The following ADRA1A variants were observed in gnomAD, a reference collection of about 807,000 sequenced individuals.
The protein encoded by ADRA1A is alpha-1A adrenergic receptor.
ADRA1A carries 31 observed loss-of-function variants against 29.6 expected under a neutral mutation model. That is an observed-to-expected ratio of 1.05 (90% CI 0.79 to 1.41). ADRA1A has a LOEUF of 1.41. Among genes scored for constraint, ADRA1A ranks in the 40% most tolerant of loss-of-function variants. ADRA1A has a pLI of 0.00. For synonymous variants in ADRA1A, 311 were observed against 254.3 expected, an observed-to-expected ratio of 1.22 and a Z score of -2.12; for missense variants, 619 against 601.1, an observed-to-expected ratio of 1.03 and a Z score of -0.31.
In ADRA1A at chr8:26,788,957, A is replaced by G. The variant is rs145034029; in HGVS notation, c.884-18291T>C. ...ATATATATTTTTAAAATTTTACTTT[A>G]AGTTCTGGGATACATGTGCGGAACG... On this transcript the variant is annotated intron_variant, in intron 2 of 2. Coordinates refer to ENST00000380573, the MANE Select transcript of ADRA1A (RefSeq NM_000680.4). 8.6e-4 allele frequency among the ~76,000 whole-genome samples: 131 copies of G among 152,274 alleles called. No homozygotes were observed. The East Asian group carries it at 0.025, about 29-fold the overall frequency.
chr8:26,824,231 C>G (rs895118904), intron 2 of ADRA1A, among the ~76,000 whole-genome samples: 21 of 151,766 alleles, frequency 1.4e-4, no homozygotes, highest in Non-Finnish European at 4.4e-5. Context: ...GAATCACGAA[C>G]AGTTTAAGCA....
intron 2 of ADRA1A, among the ~76,000 whole-genome samples, chr8:26,852,293 A>G (rs1392858895): frequency 6.6e-6 from 1 of 152,212 alleles, no homozygotes; most frequent in East Asian, 1.9e-4. Flanking sequence ...ATCTTAGACA[A>G]GAAAGAATTA....
At chr8:26,857,889 G>T (rs113372291) in intron 2 of ADRA1A, among the ~76,000 whole-genome samples, 8 of 152,208 alleles carry the variant, frequency 5.3e-5, no homozygotes, top group African/African-American at 1.9e-4. Flanking sequence ...ATATACCTTT[G>T]CTAGGTATCT....
chr8:26,770,942 G>A (rs558916611), intron 2 of ADRA1A, among the ~76,000 whole-genome samples: 46 of 152,282 alleles, frequency 3.0e-4, no homozygotes, highest in Non-Finnish European at 1.0e-4. Context: ...AACAGCTGCT[G>A]TGAAGTTTTA....
intron 2 of ADRA1A, among the ~76,000 whole-genome samples, chr8:26,758,340 T>A (rs1211536725): frequency 6.6e-6 from 1 of 152,194 alleles, no homozygotes; most frequent in African/African-American, 2.4e-5. Flanking sequence ...AAGGACTTAT[T>A]TTCTCTCTTC....
chr8:26,855,989 CACTTGTCTATAGCCTG>C (rs565379630), intron 2 of ADRA1A, among the ~76,000 whole-genome samples: 170 of 152,306 alleles, frequency 1.1e-3, no homozygotes, highest in African/African-American at 4.1e-3. Context: ...AGTAATAACT[CACTTGTCTATAGCCTG>C]ACTTGAAAGA....
intron 2 of ADRA1A, among the ~76,000 whole-genome samples, chr8:26,835,065 T>C (rs573211914): frequency 2.0e-5 from 3 of 152,326 alleles, no homozygotes; most frequent in South Asian, 4.1e-4. Flanking sequence ...CTACATTTCA[T>C]AGAAATCAAG....
downstream of ADRA1A, among the ~76,000 whole-genome samples, chr8:26,752,910 T>C (rs1442341): frequency 0.88 from 134,406 of 152,278 alleles, 59,573 homozygotes; most frequent in East Asian, 0.94. Context: ...TCTAATGATG[T>C]ACAGTAGTCA....
intron 2 of ADRA1A, among the ~76,000 whole-genome samples, chr8:26,839,483 C>G (rs995333088): frequency 6.6e-6 from 1 of 152,052 alleles, no homozygotes; most frequent in Non-Finnish European, 1.5e-5. Context: ...ACTTCCTAAA[C>G]TTCAAACTGG....
chr8:26,863,966 G>C, intron 2 of ADRA1A, 121 bp downstream of exon 2: 3 of 1,029,842 alleles, frequency 2.9e-6, no homozygotes, highest in Non-Finnish European at 2.8e-6. Context: ...AATTGCCCTA[G>C]AGCTGTGCTG....
chr8:26,762,483 C>A (rs993619873), downstream of ADRA1A, among the ~76,000 whole-genome samples: 9 of 152,116 alleles, frequency 5.9e-5, no homozygotes, highest in African/African-American at 2.2e-4. This position sits in a 1 kb window ranked among gnomAD's most constrained non-coding sequence, Gnocchi z 4.0. Flanking sequence ...CAGAGCTATG[C>A]ATGGAGCATG....
At chr8:26,773,078 C>T (rs1806293409) in intron 2 of ADRA1A, among the ~76,000 whole-genome samples, 1 of 152,074 alleles carries the variant, frequency 6.6e-6, no homozygotes, top group African/African-American at 2.4e-5. Flanking sequence ...GTGACTCTTC[C>T]CTATTTTACA....
In ADRA1A at chr8:26,770,424, G is replaced by A. The variant is rs1496121; in HGVS notation, c.1126C>T (p.Arg376Cys). The change falls in exon 3 of 3, where the codon CGC becomes TGC. Residue 376 changes from arginine (R) to cysteine (C), a missense_variant. By Grantham distance (180) the Arg-to-Cys change is radical. Coordinates refer to ENST00000380573, the MANE Select transcript of ADRA1A (RefSeq NM_000680.4). ...AVEGQHKDMV[R>C]IPVGSRETFY... ...GTCTCTCTTGATCCCACGGGGATGC[G>A]CACCATGTCCTTGTGTTGCCCTTCC... 3.7e-5 allele frequency: 59 copies of A among 1,614,204 alleles called. 2 individuals carry two copies. The South Asian group carries it at 5.7e-4, about 16-fold the overall frequency.
At chr8:26,837,683 G>C (rs1368487402) in intron 2 of ADRA1A, among the ~76,000 whole-genome samples, 1 of 151,092 alleles carries the variant, frequency 6.6e-6, no homozygotes, top group South Asian at 2.1e-4. Flanking sequence ...GTAGCCATTG[G>C]GCTAGATAGC....
intron 2 of ADRA1A, among the ~76,000 whole-genome samples, chr8:26,839,349 G>C (rs370459671): frequency 6.6e-6 from 1 of 151,994 alleles, no homozygotes; most frequent in Non-Finnish European, 1.5e-5. Flanking sequence ...TAGTAGAGAC[G>C]GGGTTTCACT....
At chr8:26,755,002 A>C (rs1023645102), downstream of ADRA1A, among the ~76,000 whole-genome samples, 9 of 152,290 alleles carry the variant, frequency 5.9e-5, no homozygotes, top group African/African-American at 2.2e-4. Flanking sequence ...GTTGTTGGAA[A>C]AACTTGTTTT....
At chr8:26,778,512 T>A (rs889451368) in intron 2 of ADRA1A, among the ~76,000 whole-genome samples, 12 of 152,138 alleles carry the variant, frequency 7.9e-5, no homozygotes, top group Admixed American at 5.2e-4. Flanking sequence ...GAGTCTTCCA[T>A]TTAAAACATT....
At position 26,769,871 on chromosome 8, in the gene ADRA1A, T is replaced by C. The variant is rs2130267075; in HGVS notation, c.*278A>G. 1.7e-6 allele frequency: 2 copies of C among 1,177,218 alleles called. No homozygotes were observed. The highest frequency in any genetic ancestry group is 3.9e-5 in the East Asian group (1 of 25,656). The allele number at this position is 1,177,218 out of a possible 1,614,324, so 72.9% of individuals were successfully genotyped here. On this transcript the variant is annotated 3_prime_UTR_variant, in exon 3 of 3. Coordinates refer to ENST00000380573, the MANE Select transcript of ADRA1A (RefSeq NM_000680.4). ...ATTGTGCATGAAATTCTGTTTCCCA[T>C]GGTGGTTTTCGTTGAAGTGGGCACA... is the stretch of plus-strand genomic sequence containing the variant.
intron 2 of ADRA1A, among the ~76,000 whole-genome samples, chr8:26,849,014 T>C (rs1035712997): frequency 4.6e-5 from 7 of 152,226 alleles, no homozygotes; most frequent in African/African-American, 1.7e-4. Context: ...CAGACGGAGC[T>C]GAACTCTCAG....
Sources: allele counts gnomAD v4.1 joint callset (sites outside exome capture counted in the v4.1 genomes callset), GRCh38; gene constraint gnomAD v4.1.1; non-coding constraint Gnocchi (gnomAD v3.1); transcripts MANE v1.5; gene names NCBI Gene and HGNC (gene_info 2026-07-23, HGNC 2026-07-21).